The following MAML2 variants were observed in gnomAD, a reference collection of about 807,000 sequenced individuals.
The protein encoded by MAML2 is mastermind-like protein 2.
Under a neutral mutation model 96.1 loss-of-function variants are expected in MAML2, and 22 were observed. That is an observed-to-expected ratio of 0.23 (90% confidence interval 0.16 to 0.33). The LOEUF is 0.33. Ranked by LOEUF, MAML2 falls within the 10% of genes least tolerant of loss-of-function variation. The pLI, the probability that MAML2 is intolerant of heterozygous loss-of-function variation, is 1.00. For synonymous variants in MAML2, 561 were observed against 521.3 expected (o/e 1.08, Z -1.04); for missense variants, 1,367 against 1,392.4 (o/e 0.98, Z 0.29).
intron 4 of MAML2, among the ~76,000 whole-genome samples, chr11:95,981,902 G>A (rs900258029): frequency 6.6e-6 from 1 of 151,614 alleles, no homozygotes; most frequent in African/African-American, 2.4e-5. Context: ...GGCCTGAGAA[G>A]GTTTATAAGG....
intron 2 of MAML2, among the ~76,000 whole-genome samples, chr11:96,086,577 A>G (rs1321349449): frequency 6.6e-6 from 1 of 152,224 alleles, no homozygotes; most frequent in Non-Finnish European, 1.5e-5. Flanking sequence ...GCTCAATTTG[A>G]AAACAATCTG....
At position 96,177,483 on chromosome 11, in the gene MAML2, C is replaced by T. The variant is rs114003938; in HGVS notation, c.514-83966G>A. ...TAGCATAGGAGTACTTGCAGACAAC[C>T]GTCCAAGTGACAGGCCACTGCCAAA... is the stretch of plus-strand genomic sequence containing the variant. On this transcript the variant is annotated intron_variant, in intron 1 of 4. Coordinates refer to ENST00000524717, the MANE Select transcript of MAML2 (RefSeq NM_032427.4). Among the ~76,000 whole-genome samples, 1,092 of 152,240 alleles carry T rather than the reference C, an allele frequency of 7.2e-3. 17 individuals carry two copies. The highest frequency in any genetic ancestry group is 0.025 in the African/African-American group (1,030 of 41,528).
At chr11:96,146,559 G>C (rs1454833337) in intron 1 of MAML2, among the ~76,000 whole-genome samples, 3 of 152,162 alleles carry the variant, frequency 2.0e-5, no homozygotes, top group East Asian at 3.9e-4. Flanking sequence ...ATCTTCAACT[G>C]TGTGAGCTGA....
intron 1 of MAML2, among the ~76,000 whole-genome samples, chr11:96,259,627 A>G (rs78870580): frequency 0.016 from 2,361 of 152,318 alleles, 64 homozygotes; most frequent in African/African-American, 0.054. Context: ...TTCAAACTCA[A>G]TCAGGCTGGA....
chr11:96,175,992 GA>G (rs915661626), intron 1 of MAML2, among the ~76,000 whole-genome samples: 4 of 151,966 alleles, frequency 2.6e-5, no homozygotes, highest in Non-Finnish European at 4.4e-5. Context: ...GGAGCATAGG[GA>G]AAAAAAGACT....
Position 95,979,606 on chromosome 11 carries a change from G to T in MAML2, c.2813C>A (p.Pro938Gln), listed in dbSNP as rs1361481483. 6.8e-6 allele frequency: 11 copies of T among 1,613,764 alleles called. No individual in the cohort carries two copies. The Admixed American group carries it at 1.2e-4, about 17-fold the overall frequency. ...GSVGNSQQLR[P>Q]NLTHSMASMP... is the part of the protein sequence containing the mutation. ...GCTTGCCATACTATGGGTTAAATTT[G>T]GTCTCAATTGTTGTGAATTACCAAC... Residue 938 changes from proline to glutamine, a missense_variant, in exon 5 of 5, where the codon CCA (proline) becomes CAA (glutamine). By Grantham distance (76) the Pro-to-Gln change is moderately conservative. Transcript: ENST00000524717.
intron 1 of MAML2, among the ~76,000 whole-genome samples, chr11:96,125,175 C>G (rs1178134952): frequency 6.6e-6 from 1 of 152,050 alleles, no homozygotes; most frequent in Non-Finnish European, 1.5e-5. Flanking sequence ...ATTATTTATA[C>G]AGATTCTTAG....
At chr11:96,224,344 C>T (rs142460374) in intron 1 of MAML2, among the ~76,000 whole-genome samples, 382 of 152,196 alleles carry the variant, frequency 2.5e-3, no homozygotes, top group Non-Finnish European at 4.1e-3. Context: ...GCCTTGTTAC[C>T]GTATTCAAGG....
At chr11:96,302,052 A>G (rs1008849350) in intron 1 of MAML2, among the ~76,000 whole-genome samples, 28 of 152,166 alleles carry the variant, frequency 1.8e-4, no homozygotes, top group Admixed American at 1.8e-3. Context: ...ACCCTATTCA[A>G]TCCTTACAAA....
Position 96,186,788 on chromosome 11 carries a change from T to C in MAML2, c.514-93271A>G, listed in dbSNP as rs190119561. ...CTCAAGGCTACATAGTAGGTGAGTG[T>C]TAGAGTGGCAGTTTGAACCCAATAG... On this transcript the variant is annotated intron_variant, in intron 1 of 4. Coordinates refer to ENST00000524717, the MANE Select transcript of MAML2 (RefSeq NM_032427.4). Among the ~76,000 whole-genome samples, 793 of 152,296 alleles carry C rather than the reference T, an allele frequency of 5.2e-3. 7 individuals are homozygous for C. Among genetic ancestry groups the C allele is most frequent in the African/African-American group, 0.017 (718 of 41,556 alleles).
chr11:96,039,568 C>G (rs1294377613), intron 2 of MAML2, among the ~76,000 whole-genome samples: 1 of 151,908 alleles, frequency 6.6e-6, no homozygotes, highest in Admixed American at 6.6e-5. Context: ...TGACATGGCG[C>G]AAATAGAATA....
chr11:96,040,099 T>A (rs1483267352), intron 2 of MAML2, among the ~76,000 whole-genome samples: 1 of 152,216 alleles, frequency 6.6e-6, no homozygotes, highest in Non-Finnish European at 1.5e-5. Context: ...TGGCCTATTC[T>A]ATTCATGTTT....
intron 2 of MAML2, among the ~76,000 whole-genome samples, chr11:96,000,463 T>C (rs979431752): frequency 1.3e-5 from 2 of 152,220 alleles, no homozygotes; most frequent in Admixed American, 6.5e-5. Context: ...TAATATTTAC[T>C]ACCTGGCCCT....
rs749551496 is a variant in MAML2 at position 96,092,678 on chromosome 11, C to T, written c.1353G>A (p.Gln451=). The change falls in exon 2 of 5, where the codon CAG becomes CAA. Residue 451 remains glutamine (Q), a synonymous_variant. Transcript: ENST00000524717. This position sits in a 1 kb window ranked among gnomAD's most constrained non-coding sequence, Gnocchi z 4.1. The part of the protein sequence containing the change: ...ANRQQHARMQ[Q]HQQQHQPTNW... ...TGGTAGGCTGGTGCTGCTGCTGGTG[C>T]TGCTGCATCCGGGCATGCTGCTGAC... is the stretch of plus-strand genomic sequence containing the variant. 3 of 1,614,004 alleles carry T rather than the reference C, an allele frequency of 1.9e-6. No homozygotes were observed. The highest frequency in any genetic ancestry group is 1.7e-6 in the Non-Finnish European group (2 of 1,179,898).
chr11:95,986,541 G>A (rs985209420), intron 3 of MAML2, among the ~76,000 whole-genome samples: 3 of 152,012 alleles, frequency 2.0e-5, no homozygotes, highest in African/African-American at 7.3e-5. Context: ...TAGGTAGGAG[G>A]AGATGTCAGG....
chr11:96,229,765 G>T (rs1862265317), intron 1 of MAML2, among the ~76,000 whole-genome samples: 1 of 151,992 alleles, frequency 6.6e-6, no homozygotes, highest in South Asian at 2.1e-4. Flanking sequence ...ACATTTTGAG[G>T]AAATTGTAGA....
chr11:96,253,565 C>A (rs1862616606), intron 1 of MAML2, among the ~76,000 whole-genome samples: 1 of 152,166 alleles, frequency 6.6e-6, no homozygotes, highest in African/African-American at 2.4e-5. Context: ...ATATTGATTG[C>A]TGGGATTTTT....
At chr11:96,258,325 C>T (rs1025023902) in intron 1 of MAML2, among the ~76,000 whole-genome samples, 19 of 152,040 alleles carry the variant, frequency 1.2e-4, no homozygotes, top group African/African-American at 4.1e-4. Context: ...GAGAAAACTA[C>T]GACAAAAAAC....
At chr11:96,138,818 G>A (rs1417457538) in intron 1 of MAML2, among the ~76,000 whole-genome samples, 1 of 151,886 alleles carries the variant, frequency 6.6e-6, no homozygotes, top group Non-Finnish European at 1.5e-5. Context: ...ACTTTGTATT[G>A]TCCTAGGGTG....
Sources: allele counts gnomAD v4.1 joint callset (sites outside exome capture counted in the v4.1 genomes callset), GRCh38; gene constraint gnomAD v4.1.1; non-coding constraint Gnocchi (gnomAD v3.1); transcripts MANE v1.5; gene names NCBI Gene and HGNC (gene_info 2026-07-23, HGNC 2026-07-21).